Variants in FAM228B observed in about 807,000 individuals in gnomAD.
FAM228B encodes the protein protein FAM228B.
In FAM228B, 38 loss-of-function variants were observed where a neutral mutation model predicts 42.6. The observed-to-expected ratio is 0.89, with a 90% CI of 0.69 to 1.17. The LOEUF is 1.17. Ranked by LOEUF, FAM228B falls within the 50% of genes most tolerant of loss-of-function variation. The pLI is 0.00. For missense variants in FAM228B, 344 were observed against 367.3 expected (o/e 0.94, Z 0.52); for synonymous variants, 109 against 122.3 (o/e 0.89, Z 0.72).
intron 2 of FAM228B, among the ~76,000 whole-genome samples, chr2:24,089,775 G>A (rs532051932): frequency 1.3e-5 from 2 of 152,232 alleles, no homozygotes; most frequent in East Asian, 3.9e-4. Flanking sequence ...TGCAGCAAAG[G>A]CTTGTTAATA....
At chr2:24,106,076 T>C (rs1665692206) in intron 3 of FAM228B, among the ~76,000 whole-genome samples, 1 of 152,110 alleles carries the variant, frequency 6.6e-6, no homozygotes, top group South Asian at 2.1e-4. Flanking sequence ...TCCTGAAGCT[T>C]GTTAGAGAGG....
chr2:24,155,780 A>G (rs1667127856), intron 7 of FAM228B, among the ~76,000 whole-genome samples: 1 of 151,862 alleles, frequency 6.6e-6, no homozygotes, highest in Non-Finnish European at 1.5e-5. Flanking sequence ...ACCTCAGGTG[A>G]TCCGCTGCCT....
intron 3 of FAM228B, among the ~76,000 whole-genome samples, chr2:24,111,251 G>A (rs895717810): frequency 2.0e-5 from 3 of 152,142 alleles, no homozygotes; most frequent in Non-Finnish European, 4.4e-5. Context: ...GTAGAGACAA[G>A]ATCTTGCTAT....
At chr2:24,113,458 T>C (rs1248374070) in intron 3 of FAM228B, among the ~76,000 whole-genome samples, 1 of 152,154 alleles carries the variant, frequency 6.6e-6, no homozygotes, top group Non-Finnish European at 1.5e-5. Flanking sequence ...TAACCCTAGC[T>C]ACTCGGGAGG....
At chr2:24,122,182 A>C (rs1370352700), upstream of FAM228B, among the ~76,000 whole-genome samples, 1 of 152,090 alleles carries the variant, frequency 6.6e-6, no homozygotes, top group African/African-American at 2.4e-5. Flanking sequence ...AAATACAAAA[A>C]TTAGCCGGGC....
chr2:24,077,412 G>T lies in FAM228B; in HGVS notation c.-290+443G>T, dbSNP rs932169928. On this transcript the variant is annotated intron_variant, in intron 1 of 10. Coordinates refer to the FAM228B transcript ENST00000613899. This position sits in a 1 kb window ranked among gnomAD's most constrained non-coding sequence, Gnocchi z 5.5. ...CTCCCACCTCAACCCCGCCGCGGCG[G>T]CCCCAGTCCGCGTGCCACCCTTCCA... 2.6e-6 allele frequency: 2 copies of T among 767,422 alleles called. No homozygotes were observed. Among genetic ancestry groups the T allele is most frequent in the Non-Finnish European group, 3.8e-6 (2 of 525,044 alleles). The allele number at this position is 767,422 out of a possible 1,614,324, so 47.5% of individuals were successfully genotyped here.
At chr2:24,128,138 CTT>C (rs1481978955) in intron 2 of FAM228B, among the ~76,000 whole-genome samples, 1 of 152,172 alleles carries the variant, frequency 6.6e-6, no homozygotes, top group Non-Finnish European at 1.5e-5. Flanking sequence ...AGTTCACTAA[CTT>C]TCTGTAATGT....
At chr2:24,110,773 C>G (rs189231775) in intron 3 of FAM228B, among the ~76,000 whole-genome samples, 30 of 152,124 alleles carry the variant, frequency 2.0e-4, no homozygotes, top group African/African-American at 6.3e-4. Context: ...ACTCCCCCCC[C>G]AAATCTGTAG....
intron 2 of FAM228B, among the ~76,000 whole-genome samples, chr2:24,130,814 T>G (rs1217397439): frequency 6.6e-6 from 1 of 152,208 alleles, no homozygotes; most frequent in Non-Finnish European, 1.5e-5. Flanking sequence ...TAGATCACAT[T>G]TGTCAATTTT....
At position 24,079,760 on chromosome 2, in the gene FAM228B, A is replaced by G. The variant is rs35020508; in HGVS notation, c.-289-1116A>G. 2.0e-3 allele frequency: 1,771 copies of G among 908,182 alleles called. 16 individuals are homozygous for G. The African/African-American group carries it at 0.027, about 14-fold the overall frequency. 56.3% of individuals were successfully genotyped at this position (908,182 alleles called of 1,614,324 possible). On this transcript the variant is annotated intron_variant, in intron 1 of 10. Coordinates refer to the FAM228B transcript ENST00000613899. ...AGTGGTAAATCTATAGGTTGGAATTAGAAACACTGCTTGAAGAACTGTTGT... is the reference window on the plus strand; with the variant it reads ...AGTGGTAAATCTATAGGTTGGAATTGGAAACACTGCTTGAAGAACTGTTGT...
chr2:24,154,351 C>T (rs1460369007), intron 7 of FAM228B, among the ~76,000 whole-genome samples: 1 of 152,164 alleles, frequency 6.6e-6, no homozygotes, highest in Non-Finnish European at 1.5e-5. Flanking sequence ...TTTTTGCCAT[C>T]TGTCTGTCTT....
intron 2 of FAM228B, among the ~76,000 whole-genome samples, chr2:24,125,059 A>G (rs1666272052): frequency 6.6e-6 from 1 of 152,174 alleles, no homozygotes; most frequent in Admixed American, 6.5e-5. Flanking sequence ...TTAAGATGTA[A>G]TTGATATACA....
At chr2:24,104,186 T>C (rs528794338) in intron 3 of FAM228B, among the ~76,000 whole-genome samples, 1 of 151,782 alleles carries the variant, frequency 6.6e-6, no homozygotes, top group South Asian at 2.1e-4. Flanking sequence ...ACAGGGTGAG[T>C]GAGTGAGAGC....
At chr2:24,147,626 T>G (rs1482313926) in intron 7 of FAM228B, among the ~76,000 whole-genome samples, 2 of 152,182 alleles carry the variant, frequency 1.3e-5, no homozygotes, top group Non-Finnish European at 2.9e-5. Flanking sequence ...TTCTGACTTG[T>G]TTTTAAGTTC....
intron 3 of FAM228B, among the ~76,000 whole-genome samples, chr2:24,103,751 A>G (rs1665650842): frequency 6.6e-6 from 1 of 152,234 alleles, no homozygotes; most frequent in Non-Finnish European, 1.5e-5. Context: ...GCTATAGTCC[A>G]GGTCAGACTC....
At chr2:24,138,271 A>G (rs2151019332) in intron 4 of FAM228B, among the ~76,000 whole-genome samples, 171 bp downstream of exon 4, 1 of 152,284 alleles carries the variant, frequency 6.6e-6, no homozygotes, top group East Asian at 1.9e-4. Flanking sequence ...TGGAAAGGAG[A>G]GAAAAGGAAG....
At chr2:24,126,612 CTTT>C (rs36032006) in intron 2 of FAM228B, among the ~76,000 whole-genome samples, 6 of 141,180 alleles carry the variant, frequency 4.2e-5, no homozygotes, top group East Asian at 2.0e-4. Flanking sequence ...AGATTCACTA[CTTT>C]TTTTTTTTTT....
intron 2 of FAM228B, among the ~76,000 whole-genome samples, chr2:24,089,510 G>A (rs1355408865): frequency 6.6e-6 from 1 of 152,010 alleles, no homozygotes; most frequent in Non-Finnish European, 1.5e-5. Context: ...TGTTGGGTTT[G>A]GCCCTGTCTC....
Position 24,141,697 on chromosome 2 carries a change from T to C in FAM228B, c.441+2247T>C, listed in dbSNP as rs568381048. On this transcript the variant is annotated intron_variant, in intron 5 of 10. Transcript: ENST00000615575. The stretch of plus-strand genomic sequence containing the variant: ...CTGGCCTAGATACTAGTTTTTAAAA[T>C]GGTATTTAGGGGATAATTTTTACCC... 2.6e-5 allele frequency among the ~76,000 whole-genome samples: 4 copies of C among 152,318 alleles called. No individual in the cohort carries two copies. The East Asian group carries it at 5.8e-4, about 22-fold the overall frequency.
Sources: allele counts gnomAD v4.1 joint callset (sites outside exome capture counted in the v4.1 genomes callset), GRCh38; gene constraint gnomAD v4.1.1; non-coding constraint Gnocchi (gnomAD v3.1); transcripts MANE v1.5; gene names NCBI Gene and HGNC (gene_info 2026-07-23, HGNC 2026-07-21).